Variants in RFX4 observed in about 807,000 individuals in gnomAD.
The protein encoded by RFX4 is regulatory factor X4.
In RFX4, 10 loss-of-function variants were observed where a neutral mutation model predicts 95.0. The observed-to-expected ratio is 0.11, with a 90% CI of 0.06 to 0.18. The LOEUF is 0.18. RFX4 is among the 10% of genes least tolerant of loss of function. The pLI is 1.00. For synonymous variants in RFX4, 321 were observed against 340.7 expected (o/e 0.94, Z 0.64); for missense variants, 640 against 922.0 (o/e 0.69, Z 3.96).
intron 16 of RFX4, among the ~76,000 whole-genome samples, chr12:106,748,521 G>T (rs150833197): frequency 1.3e-5 from 2 of 152,282 alleles, no homozygotes; most frequent in African/African-American, 4.8e-5. Context: ...TTGCTGTGAT[G>T]AATGAACTAC....
Position 106,637,423 on chromosome 12 carries a change from A to AT in RFX4, c.131-1902dup, listed in dbSNP as rs535763484. ...TTTCTATACATCATATGACATTTTC[A>AT]TTTTTTTATTTTCATTTTTGTTTTA... is the stretch of plus-strand genomic sequence containing the variant. On this transcript the variant is annotated intron_variant, in intron 2 of 17. Coordinates refer to ENST00000392842, the MANE Select transcript of RFX4 (RefSeq NM_213594.3). Among the ~76,000 whole-genome samples, 62 of 152,090 alleles carry AT rather than the reference A, an allele frequency of 4.1e-4. 1 individual carries two copies. The highest frequency in any genetic ancestry group is 1.4e-3 in the African/African-American group (60 of 41,426).
rs189550728 is a variant in RFX4, at chr12:106,759,837, T to A, written c.1936-1360T>A. Among the ~76,000 whole-genome samples, 5 of 152,276 alleles carry A rather than the reference T, an allele frequency of 3.3e-5. No individual in the cohort carries two copies. In the East Asian group the frequency reaches 9.7e-4, roughly 29 times the overall value. On this transcript the variant is annotated intron_variant, in intron 17 of 17. Coordinates refer to ENST00000392842, the MANE Select transcript of RFX4 (RefSeq NM_213594.3). ...TTGCTATGTAAGGCATGCCATCCTA[T>A]GTAGGGGGAAAAATCCCTCCCTACT... is the stretch of plus-strand genomic sequence containing the variant.
intron 7 of RFX4, among the ~76,000 whole-genome samples, chr12:106,694,252 T>C (rs1370609114): frequency 6.6e-6 from 1 of 152,258 alleles, no homozygotes; most frequent in Non-Finnish European, 1.5e-5. Flanking sequence ...CCTTTATCCC[T>C]GTTCCTTATC....
chr12:106,720,123 C>T lies in RFX4; in HGVS notation c.1233+69C>T. ...CCACCACTGCCCTCTGTGAACTTGG[C>T]CAAGACAAAGCCCTATGGTAAGCTA... is the stretch of plus-strand genomic sequence containing the variant. On this transcript the variant is annotated intron_variant, in intron 12 of 17. Coordinates refer to ENST00000392842, the MANE Select transcript of RFX4 (RefSeq NM_213594.3). The surrounding 1 kb of genome is among the most constrained non-coding windows in gnomAD (Gnocchi z 4.2). 1.5e-6 allele frequency: 2 copies of T among 1,329,688 alleles called. No individual in the cohort carries two copies. Among genetic ancestry groups the T allele is most frequent in the Non-Finnish European group, 1.1e-6 (1 of 922,768 alleles). 82.4% of individuals were successfully genotyped at this position (1,329,688 alleles called of 1,614,324 possible).
intron 4 of RFX4, among the ~76,000 whole-genome samples, chr12:106,662,965 T>C (rs908319793): frequency 6.6e-6 from 1 of 152,144 alleles, no homozygotes; most frequent in East Asian, 1.9e-4. Flanking sequence ...TTACAGTAGC[T>C]TTATTGTACA....
intron 15 of RFX4, among the ~76,000 whole-genome samples, chr12:106,735,422 T>G (rs1214061835): frequency 6.6e-6 from 1 of 152,022 alleles, no homozygotes; most frequent in Non-Finnish European, 1.5e-5. Flanking sequence ...GACCAAAAGC[T>G]CTCATTGAAC....
At chr12:106,752,577 C>T (rs1159580107) in intron 17 of RFX4, among the ~76,000 whole-genome samples, 2 of 152,154 alleles carry the variant, frequency 1.3e-5, no homozygotes, top group African/African-American at 2.4e-5. Flanking sequence ...TCACCACTCT[C>T]CTGGTGCAGA....
chr12:106,603,043 T>A lies in RFX4; in HGVS notation c.44-5754T>A, dbSNP rs147516670. On this transcript the variant is annotated intron_variant, in intron 1 of 17. Coordinates refer to ENST00000392842, the MANE Select transcript of RFX4 (RefSeq NM_213594.3). ...ATATATGTGTGTCCTGTTGAATAGC[T>A]TTTGTTCATCCCCTCTGTTTGAACA... Among the ~76,000 whole-genome samples the A allele has an allele frequency of 5.6e-3, 846 of 152,360 alleles. 4 individuals are homozygous for A. The highest frequency in any genetic ancestry group is 6.8e-3 in the Non-Finnish European group (466 of 68,040).
chr12:106,720,701 G>A lies in RFX4; in HGVS notation c.1234-58G>A, dbSNP rs144059934. On this transcript the variant is annotated intron_variant, in intron 12 of 17. Coordinates refer to ENST00000392842, the MANE Select transcript of RFX4 (RefSeq NM_213594.3). This position sits in a 1 kb window ranked among gnomAD's most constrained non-coding sequence, Gnocchi z 4.2. ...TTCAACCGGCCTCATTTTTCAAAGA[G>A]ACAGTAATAAATGAAAGGTCAAGTC... is the stretch of plus-strand genomic sequence containing the variant. 694 of 1,523,226 alleles carry A rather than the reference G, an allele frequency of 4.6e-4. 1 individual carries two copies. In the African/African-American group the frequency reaches 8.3e-3, roughly 18 times the overall value. The allele number at this position is 1,523,226 out of a possible 1,614,324, so 94.4% of individuals were successfully genotyped here. A position where few individuals can be genotyped will look rare whatever the true frequency, so the allele number is the denominator to read the frequency against.
chr12:106,705,526 A>C (rs1209191642), intron 8 of RFX4, among the ~76,000 whole-genome samples: 1 of 152,172 alleles, frequency 6.6e-6, no homozygotes, highest in Non-Finnish European at 1.5e-5. Flanking sequence ...ATGCTGCAGG[A>C]GATGGAGTCA....
chr12:106,658,287 G>A (rs1434977400), intron 4 of RFX4, among the ~76,000 whole-genome samples: 1 of 152,078 alleles, frequency 6.6e-6, no homozygotes, highest in South Asian at 2.1e-4. Flanking sequence ...AACTTATTGA[G>A]GTACACATGG....
At chr12:106,736,725 T>C (rs573903344) in intron 15 of RFX4, among the ~76,000 whole-genome samples, 216 of 152,274 alleles carry the variant, frequency 1.4e-3, no homozygotes, top group Middle Eastern at 0.014. Flanking sequence ...CCAAGTCCAG[T>C]TGTTCTAATA....
At chr12:106,760,096 G>A (rs1261253489) in intron 17 of RFX4, among the ~76,000 whole-genome samples, 1 of 152,046 alleles carries the variant, frequency 6.6e-6, no homozygotes, top group Non-Finnish European at 1.5e-5. Context: ...TAATCCCCTG[G>A]GCCTCCACTT....
chr12:106,702,158 CCTGT>C (rs1387595891), intron 8 of RFX4, among the ~76,000 whole-genome samples: 42 of 152,008 alleles, frequency 2.8e-4, no homozygotes, highest in Non-Finnish European at 3.2e-4. Flanking sequence ...TTTTAAATTT[CCTGT>C]CTGATAGTCT....
chr12:106,749,078 C>A (rs1171915314), intron 16 of RFX4, among the ~76,000 whole-genome samples: 2 of 133,648 alleles, frequency 1.5e-5, no homozygotes, highest in African/African-American at 5.5e-5. Flanking sequence ...AGGGAGACTT[C>A]ATCTCAAAAA....
chr12:106,593,592 G>A (rs1374880061), intron 1 of RFX4, among the ~76,000 whole-genome samples: 1 of 152,186 alleles, frequency 6.6e-6, no homozygotes, highest in Non-Finnish European at 1.5e-5. Flanking sequence ...ATAAAATGAT[G>A]TCAGTGCCTT....
In RFX4 at chr12:106,646,553, T is replaced by A. The variant is rs139201076; in HGVS notation, c.191+7161T>A. Among the ~76,000 whole-genome samples the A allele has an allele frequency of 2.0e-4, 31 of 151,270 alleles. No individual in the cohort carries two copies. The East Asian group carries it at 5.8e-3, about 29-fold the overall frequency. The stretch of plus-strand genomic sequence containing the variant: ...GAACACTAATTCAGTAGGTTGTAGG[T>A]CAAACCCAGCGTAGGAATTGGATGA... On this transcript the variant is annotated intron_variant, in intron 3 of 17. Coordinates refer to ENST00000392842, the MANE Select transcript of RFX4 (RefSeq NM_213594.3).
At chr12:106,754,857 C>T (rs1345484428) in intron 17 of RFX4, among the ~76,000 whole-genome samples, 1 of 152,202 alleles carries the variant, frequency 6.6e-6, no homozygotes, top group Non-Finnish European at 1.5e-5. Context: ...AATATACACA[C>T]ACTCCACACT....
chr12:106,699,773 A>G (rs1434620591), intron 8 of RFX4, among the ~76,000 whole-genome samples: 3 of 152,066 alleles, frequency 2.0e-5, no homozygotes, highest in Non-Finnish European at 4.4e-5. Context: ...TTATATTTGA[A>G]GTAGATTTCT....
Sources: gnomAD v4.1 joint callset for allele counts (sites outside exome capture counted in the v4.1 genomes callset) on GRCh38, gnomAD v4.1.1 for gene constraint, Gnocchi (gnomAD v3.1) non-coding constraint, MANE v1.5 for transcripts, NCBI Gene and HGNC (gene_info 2026-07-23, HGNC 2026-07-21) for gene names.